The following SLC39A11 variants were observed in gnomAD, a reference collection of about 807,000 sequenced individuals.
The protein encoded by SLC39A11 is zinc transporter ZIP11.
Under a neutral mutation model 36.1 loss-of-function variants are expected in SLC39A11, and 33 were observed. The observed-to-expected ratio is 0.91, with a 90% CI of 0.69 to 1.22. The LOEUF is 1.22. Ranked by LOEUF, SLC39A11 falls within the 50% of genes most tolerant of loss-of-function variation. SLC39A11 has a pLI of 0.00. For synonymous variants in SLC39A11, 166 were observed against 170.3 expected (o/e 0.97, Z 0.20); for missense variants, 432 against 430.3 (o/e 1.00, Z -0.03).
rs111501633 is a variant in SLC39A11 at position 72,681,772 on chromosome 17, T to C, written c.672-32504A>G. Among the ~76,000 whole-genome samples, 48 of 152,358 alleles carry C rather than the reference T, an allele frequency of 3.2e-4. 2 individuals carry two copies. Among genetic ancestry groups the C allele is most frequent in the African/African-American group, 1.1e-3 (46 of 41,568 alleles). ...CTCCACAGCGAACTCAGTGTGAAGA[T>C]GATCCACTTCCACTTAATGAATAGT... On this transcript the variant is annotated intron_variant, in intron 7 of 9. Coordinates refer to ENST00000255559, the MANE Select transcript of SLC39A11 (RefSeq NM_139177.4).
intron 3 of SLC39A11, among the ~76,000 whole-genome samples, chr17:73,058,037 A>G (rs1269259767): frequency 1.4e-5 from 2 of 142,110 alleles, no homozygotes; most frequent in African/African-American, 5.2e-5. Context: ...TGTAAAAGAA[A>G]TTTACTTCTG....
intron 4 of SLC39A11, among the ~76,000 whole-genome samples, chr17:73,006,782 T>C (rs2090206199): frequency 6.6e-6 from 1 of 152,120 alleles, no homozygotes; most frequent in Admixed American, 6.5e-5. Flanking sequence ...AGTACGTGAT[T>C]GAGTCTCCTT....
At chr17:72,694,793 C>T (rs2072210960) in intron 7 of SLC39A11, among the ~76,000 whole-genome samples, 1 of 152,238 alleles carries the variant, frequency 6.6e-6, no homozygotes, top group Non-Finnish European at 1.5e-5. Context: ...GGTCTGCTGA[C>T]TGTCATCCCA....
intron 4 of SLC39A11, among the ~76,000 whole-genome samples, chr17:73,011,294 C>T (rs545520989): frequency 9.3e-4 from 142 of 152,276 alleles, no homozygotes; most frequent in Non-Finnish European, 1.5e-3. Flanking sequence ...GGAAGGAAAC[C>T]GGAAGGATGG....
At chr17:73,026,175 G>GAGAA (rs1568146169) in intron 4 of SLC39A11, among the ~76,000 whole-genome samples, 206 of 38,044 alleles carry the variant, frequency 5.4e-3, no homozygotes, top group African/African-American at 0.015. Context: ...AGAGAGGAGA[G>GAGAA]GAGAAAGAGA....
intron 4 of SLC39A11, among the ~76,000 whole-genome samples, chr17:73,013,789 G>C (rs974020048): frequency 6.6e-6 from 1 of 152,068 alleles, no homozygotes; most frequent in African/African-American, 2.4e-5. Flanking sequence ...TTGCTGTAAA[G>C]GATCACATCC....
At chr17:72,919,069 T>C (rs2083489270) in intron 5 of SLC39A11, among the ~76,000 whole-genome samples, 2 of 151,758 alleles carry the variant, frequency 1.3e-5, no homozygotes, top group Non-Finnish European at 1.5e-5. Context: ...TCTCAAAAAA[T>C]AAAATAAAAT....
intron 3 of SLC39A11, among the ~76,000 whole-genome samples, chr17:73,043,267 T>C (rs2059167823): frequency 6.6e-6 from 1 of 152,166 alleles, no homozygotes; most frequent in African/African-American, 2.4e-5. Flanking sequence ...AGGCTTATGT[T>C]GTGGAGTCCA....
At chr17:72,670,473 T>C (rs750607409) in intron 7 of SLC39A11, among the ~76,000 whole-genome samples, 1 of 152,224 alleles carries the variant, frequency 6.6e-6, no homozygotes, top group Non-Finnish European at 1.5e-5. Flanking sequence ...TACTGTGGTA[T>C]TCTAGTGAGG....
At chr17:72,855,385 A>G (rs1264885937) in intron 5 of SLC39A11, among the ~76,000 whole-genome samples, 1 of 152,168 alleles carries the variant, frequency 6.6e-6, no homozygotes, top group African/African-American at 2.4e-5. Context: ...TTAACAGAAC[A>G]CTAGCCAAGA....
chr17:72,720,401 G>C (rs935775767), intron 7 of SLC39A11, among the ~76,000 whole-genome samples: 1 of 152,060 alleles, frequency 6.6e-6, no homozygotes, highest in African/African-American at 2.4e-5. Context: ...CTGGACCTGG[G>C]CTCCGAGTAG....
At chr17:72,757,721 G>A (rs2075412612) in intron 6 of SLC39A11, among the ~76,000 whole-genome samples, 1 of 151,522 alleles carries the variant, frequency 6.6e-6, no homozygotes, top group Non-Finnish European at 1.5e-5. Context: ...TTCTCAGTCT[G>A]GAAGTCCTCT....
chr17:72,836,631 G>A (rs866890749), intron 6 of SLC39A11, among the ~76,000 whole-genome samples: 5 of 152,254 alleles, frequency 3.3e-5, no homozygotes, highest in South Asian at 2.1e-4. Context: ...GTGAGCCACC[G>A]TGCCTGGTCT....
chr17:72,683,801 C>T (rs1363192028), intron 7 of SLC39A11, among the ~76,000 whole-genome samples: 1 of 151,922 alleles, frequency 6.6e-6, no homozygotes, highest in Non-Finnish European at 1.5e-5. Context: ...AGACAGGTCC[C>T]CCGAGAGAGC....
chr17:72,720,603 G>A (rs1054177854), intron 7 of SLC39A11, among the ~76,000 whole-genome samples: 1 of 152,142 alleles, frequency 6.6e-6, no homozygotes, highest in Admixed American at 6.5e-5. Flanking sequence ...TCATGGGTGT[G>A]CCAGGAAGCA....
At position 72,677,419 on chromosome 17, in the gene SLC39A11, G is replaced by A. The variant is rs568795121; in HGVS notation, c.672-28151C>T. The stretch of plus-strand genomic sequence containing the variant: ...TCTGGTCAGATGCCACTCCTTTCGG[G>A]TCAGGAGATGGGACATTCTGAGAAC... On this transcript the variant is annotated intron_variant, in intron 7 of 9. Coordinates refer to ENST00000255559, the MANE Select transcript of SLC39A11 (RefSeq NM_139177.4). 2.0e-5 allele frequency among the ~76,000 whole-genome samples: 3 copies of A among 152,326 alleles called. No homozygotes were observed. The East Asian group carries it at 5.8e-4, about 29-fold the overall frequency.
At chr17:73,088,171 G>GT (rs1173143676) in intron 2 of SLC39A11, among the ~76,000 whole-genome samples, 1 of 152,076 alleles carries the variant, frequency 6.6e-6, no homozygotes, top group Non-Finnish European at 1.5e-5. Context: ...GCACATGCCT[G>GT]TAATCCCAGC....
At chr17:72,999,750 G>GT (rs890330288) in intron 4 of SLC39A11, among the ~76,000 whole-genome samples, 2 of 152,014 alleles carry the variant, frequency 1.3e-5, no homozygotes, top group East Asian at 1.9e-4. Context: ...TTGTTTGTTT[G>GT]TTTTTTTGAG....
At chr17:73,010,742 A>C (rs933932906) in intron 4 of SLC39A11, among the ~76,000 whole-genome samples, 1 of 68,266 alleles carries the variant, frequency 1.5e-5, no homozygotes, top group Non-Finnish European at 6.0e-5. Flanking sequence ...GACACAGGCA[A>C]ATTTCAGATT....
Sources: gnomAD v4.1 joint callset for allele counts (sites outside exome capture counted in the v4.1 genomes callset) on GRCh38, gnomAD v4.1.1 for gene constraint, MANE v1.5 for transcripts, NCBI Gene and HGNC (gene_info 2026-07-23, HGNC 2026-07-21) for gene names.